RBFOX1: variants seen among roughly 807,000 people sequenced by gnomAD.
RBFOX1 encodes the protein RNA binding protein fox-1 homolog 1.
A neutral mutation model predicts 57.7 loss-of-function variants in RBFOX1; 8 were observed. The observed-to-expected ratio is 0.14, with a 90% CI of 0.08 to 0.25. The LOEUF (loss-of-function observed/expected upper bound fraction) is 0.25, where lower values mean the gene tolerates loss of function less well. RBFOX1 is among the 10% of genes least tolerant of loss of function. The probability of loss-of-function intolerance (pLI) is 1.00; values close to 1 mark genes in which losing one functional copy is unlikely to be tolerated. For missense variants in RBFOX1, 611 were observed against 548.5 expected, an observed-to-expected ratio of 1.11 and a Z score of -1.14; for synonymous variants, 326 against 222.4, an observed-to-expected ratio of 1.47 and a Z score of -4.15.
At chr16:6,585,126 C>G (rs1031217163) in intron 2 of RBFOX1, among the ~76,000 whole-genome samples, 3 of 152,194 alleles carry the variant, frequency 2.0e-5, no homozygotes, top group African/African-American at 7.2e-5. Context: ...ATTTTAATCT[C>G]TGGCAGCCTC....
At position 7,658,131 on chromosome 16, in the gene RBFOX1, T is replaced by C. The variant is rs2066783832; in HGVS notation, c.890+4184T>C. Among the ~76,000 whole-genome samples the C allele has an allele frequency of 3.3e-5, 5 of 152,292 alleles. No individual in the cohort carries two copies. In the South Asian group the frequency reaches 1.0e-3, roughly 32 times the overall value. The stretch of plus-strand genomic sequence containing the variant: ...ATCTTATGACATGCATTCAGTGAAC[T>C]GTACCTACTGTTCTCCAGGTTGATG... On this transcript the variant is annotated intron_variant, in intron 12 of 15. Transcript: ENST00000550418.
intron 4 of RBFOX1, among the ~76,000 whole-genome samples, chr16:7,313,725 A>C (rs1185840829): frequency 4.6e-5 from 7 of 152,098 alleles, no homozygotes; most frequent in Non-Finnish European, 8.8e-5. Context: ...AAAAGCCTCC[A>C]GGGAGTTGAA....
chr16:7,507,152 G>C (rs2073597302), intron 4 of RBFOX1, among the ~76,000 whole-genome samples: 1 of 152,144 alleles, frequency 6.6e-6, no homozygotes, highest in African/African-American at 2.4e-5. Flanking sequence ...TGATTTCATA[G>C]TCACAGCATT....
intron 4 of RBFOX1, among the ~76,000 whole-genome samples, chr16:7,425,652 G>T (rs1235340662): frequency 6.6e-6 from 1 of 152,090 alleles, no homozygotes; most frequent in Non-Finnish European, 1.5e-5. Flanking sequence ...AAATGAAATT[G>T]TTAAGCCCTG....
At chr16:7,333,067 T>A (rs1366973960) in intron 4 of RBFOX1, 3 of 1,613,796 alleles carry the variant, frequency 1.9e-6, no homozygotes, top group Non-Finnish European at 2.5e-6. Context: ...CGGCAGCTCC[T>A]TACCTTCCTG....
intron 2 of RBFOX1, among the ~76,000 whole-genome samples, chr16:6,617,316 C>T (rs867619314): frequency 6.6e-6 from 1 of 151,872 alleles, no homozygotes; most frequent in African/African-American, 2.4e-5. Context: ...GTCTACAAAG[C>T]CTCAAAAACA....
chr16:6,806,159 G>C (rs1030084025), intron 3 of RBFOX1, among the ~76,000 whole-genome samples: 6 of 152,138 alleles, frequency 3.9e-5, no homozygotes, highest in Admixed American at 1.3e-4. Flanking sequence ...ATAGAAATGA[G>C]TATAGAATTG....
At chr16:5,911,520 G>A (rs2058601899) in intron 4 of RBFOX1, among the ~76,000 whole-genome samples, 1 of 152,194 alleles carries the variant, frequency 6.6e-6, no homozygotes, top group Non-Finnish European at 1.5e-5. Context: ...AAAAGAGCTG[G>A]TGTACGTTAT....
Position 6,019,785 on chromosome 16 carries a change from G to C in RBFOX1, c.-334G>C, listed in dbSNP as rs2095031129. 6.9e-7 allele frequency: 1 copy of C among 1,452,776 alleles called. No homozygotes were observed. Among genetic ancestry groups the C allele is most frequent in the Non-Finnish European group, 9.1e-7 (1 of 1,100,256 alleles). 90.0% of individuals were successfully genotyped at this position (1,452,776 alleles called of 1,614,324 possible). A position where few individuals can be genotyped will look rare whatever the true frequency, so the allele number is the denominator to read the frequency against. ...CCACCCAGTGGCCGCCAGGGTCCCC[G>C]CCTGTCCGGACCCTCGCCGCGCCCA... is the stretch of plus-strand genomic sequence containing the variant. On this transcript the variant is annotated 5_prime_UTR_variant, in exon 1 of 16. Coordinates refer to ENST00000550418, the MANE Select transcript of RBFOX1 (RefSeq NM_018723.4). This position sits in a 1 kb window ranked among gnomAD's most constrained non-coding sequence, Gnocchi z 4.2.
chr16:5,795,867 AG>A (rs1375883377), intron 3 of RBFOX1, among the ~76,000 whole-genome samples: 2 of 152,130 alleles, frequency 1.3e-5, no homozygotes, highest in African/African-American at 4.8e-5. Context: ...AGAGCCTCAC[AG>A]TCTCTGTTGC....
chr16:7,275,386 C>G (rs1407446278), intron 4 of RBFOX1, among the ~76,000 whole-genome samples: 1 of 152,212 alleles, frequency 6.6e-6, no homozygotes, highest in Non-Finnish European at 1.5e-5. Flanking sequence ...GCTTCTGATA[C>G]TTCATCATTC....
At chr16:7,706,328 G>C (rs556771173) in intron 14 of RBFOX1, among the ~76,000 whole-genome samples, 1 of 152,310 alleles carries the variant, frequency 6.6e-6, no homozygotes, top group African/African-American at 2.4e-5. Context: ...GAGAAAAGGA[G>C]GCAGCTCATT....
intron 3 of RBFOX1, among the ~76,000 whole-genome samples, chr16:6,732,946 T>G (rs7192028): frequency 0.31 from 46,842 of 152,128 alleles, 7,942 homozygotes; most frequent in East Asian, 0.57. Flanking sequence ...CTGAATAAAG[T>G]AAGAGCTACT....
At chr16:5,722,994 T>C (rs2051993509) in intron 3 of RBFOX1, among the ~76,000 whole-genome samples, 1 of 152,210 alleles carries the variant, frequency 6.6e-6, no homozygotes, top group Non-Finnish European at 1.5e-5. Flanking sequence ...CATATTCGCA[T>C]ACTTAGGGCA....
chr16:7,488,934 C>T (rs540870107), intron 4 of RBFOX1, among the ~76,000 whole-genome samples: 1 of 152,188 alleles, frequency 6.6e-6, no homozygotes, highest in Non-Finnish European at 1.5e-5. Flanking sequence ...AGTCTGTATA[C>T]TTCACATGTC....
intron 3 of RBFOX1, among the ~76,000 whole-genome samples, chr16:6,811,756 G>T (rs993295413): frequency 6.6e-6 from 1 of 152,170 alleles, no homozygotes; most frequent in South Asian, 2.1e-4. Flanking sequence ...GGGCGTGGTA[G>T]TGCACGCCTG....
Position 5,375,257 on chromosome 16 carries a change from G to T in RBFOX1, c.220-91959G>T, listed in dbSNP as rs562514807. ...CATGTGATAATTTCTAAAATCAATT[G>T]ACCATGGAAGCTGTTTTCCAGGGAT... is the stretch of plus-strand genomic sequence containing the variant. On this transcript the variant is annotated intron_variant, in intron 1 of 2. Coordinates refer to the RBFOX1 transcript ENST00000585867. Among the ~76,000 whole-genome samples, 20 of 152,272 alleles carry T rather than the reference G, an allele frequency of 1.3e-4. No individual in the cohort carries two copies. In the South Asian group the frequency reaches 4.1e-3, roughly 32 times the overall value.
chr16:6,089,414 C>T (rs754193323), intron 1 of RBFOX1, among the ~76,000 whole-genome samples: 61 of 152,106 alleles, frequency 4.0e-4, no homozygotes, highest in Middle Eastern at 3.2e-3. Context: ...AATATCCCAT[C>T]ATTTAGGATG....
intron 3 of RBFOX1, among the ~76,000 whole-genome samples, chr16:5,751,453 C>T (rs1364720670): frequency 6.6e-6 from 1 of 152,160 alleles, no homozygotes; most frequent in Non-Finnish European, 1.5e-5. Flanking sequence ...GTTAATACAT[C>T]CACTGTAGAC....
Sources: gnomAD v4.1 joint callset for allele counts (sites outside exome capture counted in the v4.1 genomes callset) on GRCh38, gnomAD v4.1.1 for gene constraint, Gnocchi (gnomAD v3.1) non-coding constraint, MANE v1.5 for transcripts, NCBI Gene and HGNC (gene_info 2026-07-23, HGNC 2026-07-21) for gene names.